Variants in ZBTB25 observed in about 807,000 individuals in gnomAD.
ZBTB25 encodes the protein zinc finger and BTB domain containing 25.
ZBTB25 carries 20 observed loss-of-function variants against 34.2 expected under a neutral mutation model. The ratio of observed to expected loss-of-function variants is 0.58; its 90% CI spans 0.41 to 0.85. The LOEUF is 0.85. Ranked by LOEUF, ZBTB25 falls within the 40% of genes least tolerant of loss-of-function variation. The pLI is 0.00. For missense variants in ZBTB25, 437 were observed against 521.8 expected (o/e 0.84, Z 1.58); for synonymous variants, 175 against 186.4 (o/e 0.94, Z 0.50).
chr14:64,450,439 C>G (rs922270961), intron 2 of ZBTB25, among the ~76,000 whole-genome samples: 1 of 152,154 alleles, frequency 6.6e-6, no homozygotes, highest in African/African-American at 2.4e-5. Context: ...CTCCAGGAAG[C>G]TTCATCATTT....
chr14:64,498,699 T>C (rs1680818001), intron 1 of ZBTB25, among the ~76,000 whole-genome samples: 1 of 152,046 alleles, frequency 6.6e-6, no homozygotes, highest in African/African-American at 2.4e-5. Flanking sequence ...AGTGGCACGA[T>C]CTCGGCTCAC....
intron 1 of ZBTB25, among the ~76,000 whole-genome samples, chr14:64,492,117 C>CA (rs58321068): frequency 0.13 from 9,234 of 73,834 alleles, 613 homozygotes; most frequent in African/African-American, 0.18. Context: ...GACCCTATCT[C>CA]AAAAAAAAAA....
In ZBTB25 at chr14:64,481,414, A is replaced by G. The variant is rs1228583908; in HGVS notation, c.*5509T>C. On this transcript the variant is annotated 3_prime_UTR_variant, in exon 3 of 3. Transcript: ENST00000608382. ...ATTAGGTGGATGAGTTTAGCCACAC[A>G]ATGTATTATTGATTTTGGTCTCCTG... 6.6e-6 allele frequency: 1 copy of G among 152,250 alleles called. No individual in the cohort carries two copies. The highest frequency in any genetic ancestry group is 1.5e-5 in the Non-Finnish European group (1 of 68,042). 9.4% of individuals were successfully genotyped at this position (152,250 alleles called of 1,614,324 possible). A position where few individuals can be genotyped will look rare whatever the true frequency, so the allele number is the denominator to read the frequency against.
At chr14:64,504,772 T>G (rs2079611796), upstream of ZBTB25, 1 of 378,690 alleles carries the variant, frequency 2.6e-6, no homozygotes, top group Non-Finnish European at 4.7e-6. Context: ...AGTCCTTTGT[T>G]GCAGCACAGT....
chr14:64,457,191 G>T (rs555145106), intron 2 of ZBTB25, among the ~76,000 whole-genome samples: 1 of 152,208 alleles, frequency 6.6e-6, no homozygotes, highest in African/African-American at 2.4e-5. Flanking sequence ...CTACCATCGT[G>T]TTGCTGAAGC....
chr14:64,504,928 C>G, upstream of ZBTB25: 1 of 395,904 alleles, frequency 2.5e-6, no homozygotes, highest in Non-Finnish European at 4.5e-6. Context: ...CTCCGCAGCT[C>G]TGGTTCCTGT....
rs1420412606 is a variant in ZBTB25, at chr14:64,480,707, T to C, written c.*6216A>G. On this transcript the variant is annotated 3_prime_UTR_variant, in exon 3 of 3. Transcript: ENST00000608382. Reference sequence around the variant, plus strand: ...GCCAGGCTGGAGTGCAGTGGCGCAATCTCGGCTCACTGCAACCTCCGCCTC... The same window carrying C: ...GCCAGGCTGGAGTGCAGTGGCGCAACCTCGGCTCACTGCAACCTCCGCCTC... The C allele has an allele frequency of 6.5e-6, 1 of 152,964 alleles. No individual in the cohort carries two copies. The highest frequency in any genetic ancestry group is 1.5e-5 in the Non-Finnish European group (1 of 68,528). 9.5% of individuals were successfully genotyped at this position (152,964 alleles called of 1,614,324 possible).
At chr14:64,500,529 A>T (rs2079454607) in intron 1 of ZBTB25, among the ~76,000 whole-genome samples, 1 of 150,610 alleles carries the variant, frequency 6.6e-6, no homozygotes, top group Non-Finnish European at 1.5e-5. Context: ...CAGAACGGTA[A>T]ATAAATGCCT....
chr14:64,503,277 T>C (rs1596673428), intron 1 of ZBTB25: 2 of 985,396 alleles, frequency 2.0e-6, no homozygotes, highest in Non-Finnish European at 2.4e-6. Context: ...ATCTGGAAAG[T>C]CGCCCGCTCG....
chr14:64,470,315 G>T, intron 2 of ZBTB25: 1 of 166,882 alleles, frequency 6.0e-6, no homozygotes, highest in East Asian at 1.9e-4. Flanking sequence ...TTTGGCCAGG[G>T]GCAGTGGCTC....
chr14:64,455,069 G>T, intron 2 of ZBTB25: 1 of 614,084 alleles, frequency 1.6e-6, no homozygotes, highest in Non-Finnish European at 2.9e-6. Context: ...GGACCATCTT[G>T]GTGTCAAATC....
In ZBTB25 at chr14:64,485,687, T is replaced by G. The variant is rs898940168; in HGVS notation, c.*1236A>C. On this transcript the variant is annotated 3_prime_UTR_variant, in exon 3 of 3. Transcript: ENST00000608382. ...AGGAAAAAAGTGAAAACTGTGCCACTGAAAAATTACTTTTTCAGTGATTTT... is the reference window on the plus strand; with the variant it reads ...AGGAAAAAAGTGAAAACTGTGCCACGGAAAAATTACTTTTTCAGTGATTTT... 5.0e-5 allele frequency: 49 copies of G among 985,298 alleles called. No homozygotes were observed. The highest frequency in any genetic ancestry group is 5.8e-5 in the Non-Finnish European group (48 of 829,932). The allele number at this position is 985,298 out of a possible 1,614,324, so 61.0% of individuals were successfully genotyped here.
intron 2 of ZBTB25, among the ~76,000 whole-genome samples, chr14:64,452,370 G>A (rs1424150152): frequency 1.3e-5 from 2 of 152,172 alleles, no homozygotes; most frequent in Admixed American, 6.5e-5. Flanking sequence ...CCTAATTTTT[G>A]TAATTTGCTC....
chr14:64,490,242 A>G, intron 2 of ZBTB25, 119 bp downstream of exon 2: 2 of 396,692 alleles, frequency 5.0e-6, no homozygotes, highest in South Asian at 9.0e-5. Flanking sequence ...AAAAAAAAAA[A>G]AATTATAATT....
chr14:64,461,707 C>G (rs35872489), intron 2 of ZBTB25: 26,996 of 151,966 alleles, frequency 0.18, 2,538 homozygotes, highest in Middle Eastern at 0.31. Flanking sequence ...GCGATTCTCC[C>G]ACCTCAGCCT....
chr14:64,487,856 G>A lies in ZBTB25; in HGVS notation c.375C>T (p.Ser125=), dbSNP rs144841048. Residue 125 remains serine (S), a synonymous_variant, in exon 3 of 3, where the codon TCC becomes TCT. Coordinates refer to ENST00000608382, the MANE Select transcript of ZBTB25 (RefSeq NM_006977.5). The stretch of plus-strand genomic sequence containing the variant: ...AGATCTGAATGCCATATAAATTTGA[G>A]GACTGCACAGTCTCTGGTGAGAACA... ...NQVFSPETVQ[S]SNLYGIQIST... is the part of the protein sequence containing the mutation. 2 of 1,614,168 alleles carry A rather than the reference G, an allele frequency of 1.2e-6. No individual in the cohort carries two copies. Among genetic ancestry groups the A allele is most frequent in the Non-Finnish European group, 1.7e-6 (2 of 1,180,032 alleles).
chr14:64,503,597 G>C, intron 1 of ZBTB25, 64 bp downstream of exon 1: 2 of 985,760 alleles, frequency 2.0e-6, no homozygotes, highest in Non-Finnish European at 2.4e-6. Flanking sequence ...CGCCGCCCTG[G>C]GTGGCTCGCG....
chr14:64,491,330 G>C (rs564621106), intron 1 of ZBTB25, among the ~76,000 whole-genome samples: 10 of 152,264 alleles, frequency 6.6e-5, no homozygotes, highest in Non-Finnish European at 7.4e-5. Context: ...GCTAGGTATG[G>C]TGGCATGCAC....
chr14:64,489,225 G>A (rs965776148), intron 2 of ZBTB25, among the ~76,000 whole-genome samples: 2 of 151,832 alleles, frequency 1.3e-5, no homozygotes, highest in Non-Finnish European at 1.5e-5. Context: ...TTCAGCCTGG[G>A]CACCACTGCA....
Sources: allele counts gnomAD v4.1 joint callset (sites outside exome capture counted in the v4.1 genomes callset), GRCh38; gene constraint gnomAD v4.1.1; transcripts MANE v1.5; gene names NCBI Gene and HGNC (gene_info 2026-07-23, HGNC 2026-07-21).